AFP: variants seen among roughly 807,000 people sequenced by gnomAD.
AFP encodes alpha fetoprotein, also known as alpha-fetoprotein.
In AFP, 64 loss-of-function variants were observed where a neutral mutation model predicts 78.9. The ratio of observed to expected loss-of-function variants is 0.81; its 90% CI spans 0.66 to 1.00. The LOEUF (loss-of-function observed/expected upper bound fraction) is 1.00, where lower values mean the gene tolerates loss of function less well. Ranked by LOEUF, AFP falls within the 50% of genes least tolerant of loss-of-function variation. The probability of loss-of-function intolerance (pLI) is 0.00; values close to 1 mark genes in which losing one functional copy is unlikely to be tolerated. For missense variants in AFP, 689 were observed against 703.8 expected (o/e 0.98, Z 0.24); for synonymous variants, 254 against 243.8 (o/e 1.04, Z -0.39).
chr4:73,450,761 T>A lies in AFP; in HGVS notation c.1428+8T>A. ...GCCTGTGGCGAGGGAGCGGTGAGTG[T>A]CTGCTTGGTTTGGTCCCATCTCATT... is the stretch of plus-strand genomic sequence containing the variant. On this transcript the variant is annotated splice_region_variant and intron_variant, in intron 11 of 14. Transcript: ENST00000395792. The A allele has an allele frequency of 6.2e-7, 1 of 1,613,898 alleles. No individual in the cohort carries two copies. The highest frequency in any genetic ancestry group is 8.5e-7 in the Non-Finnish European group (1 of 1,179,994).
chr4:73,444,192 G>A (rs1345427510), intron 6 of AFP, among the ~76,000 whole-genome samples: 2 of 152,036 alleles, frequency 1.3e-5, no homozygotes, highest in African/African-American at 4.8e-5. Flanking sequence ...TAAGAAGTCA[G>A]ATTTATGCCT....
In AFP at chr4:73,442,439, T is replaced by C. The variant is rs1342952131; in HGVS notation, c.615+11T>C. The C allele has an allele frequency of 6.2e-7, 1 of 1,613,902 alleles. No individual in the cohort carries two copies. The highest frequency in any genetic ancestry group is 1.7e-5 in the Admixed American group (1 of 60,024). Reference sequence around the variant, plus strand: ...TGCTTCCAAACAAAGGTATCATATTTGCGTGGATATCTGAACCAGTACTGT... The same window carrying C: ...TGCTTCCAAACAAAGGTATCATATTCGCGTGGATATCTGAACCAGTACTGT... On this transcript the variant is annotated intron_variant, in intron 5 of 14. Transcript: ENST00000395792.
rs376780349 is a variant in AFP, at chr4:73,442,289, T to C, written c.483-7T>C. ...TATAAATCTTCTAGCTCTATTTTAT[T>C]TCACAGATTCATTTATGAGATAGCA... On this transcript the variant is annotated splice_region_variant and splice_polypyrimidine_tract_variant and intron_variant, in intron 4 of 14. Transcript: ENST00000395792. The C allele has an allele frequency of 3.0e-5, 49 of 1,612,766 alleles. No individual in the cohort carries two copies. The African/African-American group carries it at 6.1e-4, about 20-fold the overall frequency.
Position 73,455,700 on chromosome 4 carries a change from CT to C in AFP, c.*85del. ...CTCTTTAATTTTAACTGATTTAACA[CT>C]TTTTGTGAATTAATGAAATGATAAA... is the stretch of plus-strand genomic sequence containing the variant. On this transcript the variant is annotated 3_prime_UTR_variant, in exon 15 of 15. Coordinates refer to ENST00000395792, the MANE Select transcript of AFP (RefSeq NM_001134.3). 1.4e-6 allele frequency: 1 copy of C among 692,482 alleles called. No individual in the cohort carries two copies. Among genetic ancestry groups the C allele is most frequent in the Admixed American group, 2.1e-5 (1 of 47,650 alleles). 42.9% of individuals were successfully genotyped at this position (692,482 alleles called of 1,614,324 possible).
At chr4:73,445,849 T>A (rs2149334857) in intron 7 of AFP, among the ~76,000 whole-genome samples, 1 of 152,294 alleles carries the variant, frequency 6.6e-6, no homozygotes, top group East Asian at 1.9e-4. Flanking sequence ...CAGTGTGGCA[T>A]TGGCTTATTT....
intron 6 of AFP, among the ~76,000 whole-genome samples, chr4:73,444,305 A>G (rs1719758966): frequency 6.6e-6 from 1 of 152,198 alleles, no homozygotes; most frequent in Admixed American, 6.5e-5. Context: ...GTATTATAAT[A>G]CCCTTATCAT....
intron 2 of AFP, among the ~76,000 whole-genome samples, chr4:73,437,477 G>T (rs1719540326): frequency 6.6e-6 from 1 of 152,000 alleles, no homozygotes. Context: ...TGTCTGATCA[G>T]TGACAGCCAT....
intron 13 of AFP, 47 bp from the exon 14 acceptor site, chr4:73,455,189 A>G (rs751808830): frequency 2.2e-6 from 3 of 1,393,340 alleles, no homozygotes; most frequent in South Asian, 1.2e-5. Flanking sequence ...TATGATTGGT[A>G]TAATAATCCA....
At chr4:73,455,190 T>C in intron 13 of AFP, 46 bp from the exon 14 acceptor site, 1 of 1,402,952 alleles carries the variant, frequency 7.1e-7, no homozygotes, top group South Asian at 1.2e-5. Flanking sequence ...ATGATTGGTA[T>C]AATAATCCAT....
intron 4 of AFP, 91 bp from the exon 5 acceptor site, chr4:73,442,205 A>G: frequency 1.6e-6 from 2 of 1,256,748 alleles, no homozygotes; most frequent in Non-Finnish European, 2.3e-6. Flanking sequence ...TTGTTTTTGA[A>G]TCTTTAAATA....
rs774096417 is a variant in AFP, at chr4:73,438,125, G to C, written c.138-49G>C. 10 of 1,607,082 alleles carry C rather than the reference G, an allele frequency of 6.2e-6. 1 individual carries two copies. In the South Asian group the frequency reaches 1.1e-4, roughly 18 times the overall value. On this transcript the variant is annotated intron_variant, in intron 2 of 14. Coordinates refer to ENST00000395792, the MANE Select transcript of AFP (RefSeq NM_001134.3). ...GAAAAACTATACTTGAGAAAAATAA[G>C]CTTGCTGCAGGTCTGTTCCTTAAGG...
At chr4:73,439,671 C>T in intron 3 of AFP, among the ~76,000 whole-genome samples, 1 of 152,048 alleles carries the variant, frequency 6.6e-6, no homozygotes, top group East Asian at 1.9e-4. Context: ...CACATGTATT[C>T]CTCAGATGCT....
Position 73,436,294 on chromosome 4 carries a change from T to C in AFP, c.32T>C (p.Phe11Ser), listed in dbSNP as rs372320842. The C allele has an allele frequency of 3.6e-5, 57 of 1,603,716 alleles. No homozygotes were observed. Among genetic ancestry groups the C allele is most frequent in the Middle Eastern group, 1.7e-4 (1 of 6,006 alleles). The stretch of plus-strand genomic sequence containing the variant: ...TGGGTGGAATCAATTTTTTTAATTT[T>C]CCTACTAAATTTTACTGAATCCAGA... MKWVESIFLI[F>S]LLNFTESRTL... Residue 11 changes from phenylalanine to serine, a missense_variant, in exon 1 of 15, where the codon TTC becomes TCC. Transcript: ENST00000395792.
chr4:73,454,556 T>C (rs1249450952), intron 13 of AFP, among the ~76,000 whole-genome samples: 1 of 152,214 alleles, frequency 6.6e-6, no homozygotes, highest in East Asian at 1.9e-4. Context: ...GATAATTGGC[T>C]AAATTTTACA....
intron 11 of AFP, 25 bp downstream of exon 11, chr4:73,450,778 C>T: frequency 6.2e-7 from 1 of 1,613,428 alleles, no homozygotes. Context: ...GGTTTGGTCC[C>T]ATCTCATTTC....
chr4:73,450,154 T>A, intron 10 of AFP, 21 bp downstream of exon 10: 1 of 1,545,774 alleles, frequency 6.5e-7, no homozygotes, highest in Non-Finnish European at 8.9e-7. Flanking sequence ...GTAAACAGTA[T>A]TTTTAGTGAA....
intron 3 of AFP, among the ~76,000 whole-genome samples, chr4:73,439,007 A>T (rs1478219455): frequency 4.6e-5 from 7 of 152,294 alleles, no homozygotes; most frequent in Admixed American, 4.6e-4. Context: ...CAGTCTTAGT[A>T]GCTTCATTAC....
chr4:73,438,081 G>C, intron 2 of AFP, 93 bp from the exon 3 acceptor site: 2 of 1,545,448 alleles, frequency 1.3e-6, no homozygotes, highest in African/African-American at 2.8e-5. Context: ...AACATAAATA[G>C]AAAACAAAAC....
At position 73,452,513 on chromosome 4, in the gene AFP, G is replaced by A. The variant is rs1577959571; in HGVS notation, c.1541G>A (p.Ser514Asn). The A allele has an allele frequency of 6.2e-7, 1 of 1,614,116 alleles. No individual in the cohort carries two copies. The change falls in exon 12 of 15, where the codon AGC becomes AAC. Residue 514 changes from serine (S) to asparagine (N), a missense_variant. By Grantham distance (46) the Ser-to-Asn change is conservative. Coordinates refer to ENST00000395792, the MANE Select transcript of AFP (RefSeq NM_001134.3). ...GCCAACAGGAGGCCATGCTTCAGCAGCTTGGTGGTGGATGAAACATATGTC... is the reference window on the plus strand; with the variant it reads ...GCCAACAGGAGGCCATGCTTCAGCAACTTGGTGGTGGATGAAACATATGTC... Reference protein sequence around the residue: ...SYANRRPCFSSLVVDETYVPP... With the variant: ...SYANRRPCFSNLVVDETYVPP...
Sources: allele counts gnomAD v4.1 joint callset (sites outside exome capture counted in the v4.1 genomes callset), GRCh38; gene constraint gnomAD v4.1.1; transcripts MANE v1.5; gene names NCBI Gene and HGNC (gene_info 2026-07-23, HGNC 2026-07-21).